PCDHA12: variants seen among roughly 807,000 people sequenced by gnomAD.
The protein encoded by PCDHA12 is protocadherin alpha-12.
A neutral mutation model predicts 60.0 loss-of-function variants in PCDHA12; 44 were observed. The ratio of observed to expected loss-of-function variants is 0.73; its 90% confidence interval spans 0.58 to 0.94. PCDHA12 has a LOEUF of 0.94. PCDHA12 is among the 40% of genes least tolerant of loss of function. PCDHA12 has a pLI of 0.00. For missense variants in PCDHA12, 1,276 were observed against 1,239.7 expected (o/e 1.03, Z -0.44); for synonymous variants, 569 against 553.0 (o/e 1.03, Z -0.40).
At chr5:140,955,771 A>G (rs527455823) in intron 1 of PCDHA12, among the ~76,000 whole-genome samples, 1 of 152,168 alleles carries the variant, frequency 6.6e-6, no homozygotes, top group Admixed American at 6.5e-5. Context: ...GATTCTGTCT[A>G]TCCATGAGCA....
intron 1 of PCDHA12, chr5:140,927,539 A>G (rs1554204701): frequency 6.2e-7 from 1 of 1,614,112 alleles, no homozygotes; most frequent in Non-Finnish European, 8.5e-7. Flanking sequence ...CGCTCAGGAG[A>G]CGCACAAGTC....
intron 1 of PCDHA12, chr5:140,884,197 G>A (rs146010500): frequency 3.1e-6 from 5 of 1,613,234 alleles, no homozygotes; most frequent in Non-Finnish European, 4.2e-6. Context: ...TGGACGCGCC[G>A]CACCACCGCC....
intron 1 of PCDHA12, among the ~76,000 whole-genome samples, chr5:140,959,145 A>C (rs2095470775): frequency 6.6e-6 from 1 of 152,030 alleles, no homozygotes; most frequent in Non-Finnish European, 1.5e-5. Flanking sequence ...GGGAGGCCAA[A>C]GTGGGCAGAT....
chr5:140,982,324 C>G, intron 2 of PCDHA12, 151 bp from the exon 3 acceptor site: 2 of 1,393,878 alleles, frequency 1.4e-6, no homozygotes, highest in East Asian at 5.1e-5. Context: ...TGCAGGGTGA[C>G]TGCTCAGCAG....
chr5:140,937,595 C>A (rs940943581), intron 1 of PCDHA12, among the ~76,000 whole-genome samples: 1 of 150,652 alleles, frequency 6.6e-6, no homozygotes, highest in South Asian at 2.1e-4. Flanking sequence ...CTAGCCTGGG[C>A]AACAGAGTGA....
rs782344970 is a variant in PCDHA12, at chr5:140,876,478, G to A, written c.1006G>A (p.Val336Ile). The change falls in exon 1 of 4, where the codon GTC becomes ATC. Residue 336 changes from valine (V) to isoleucine (I), a missense_variant. Transcript: ENST00000398631. The part of the protein sequence containing the change: ...GIPSMAGHSM[V>I]LVEVLDVNDN... ...TCCTTCCATGGCAGGTCACAGCATGGTCCTGGTGGAAGTTCTGGACGTGAA... is the reference window on the plus strand; with the variant it reads ...TCCTTCCATGGCAGGTCACAGCATGATCCTGGTGGAAGTTCTGGACGTGAA... 1 of 1,614,032 alleles carries A rather than the reference G, an allele frequency of 6.2e-7. No individual in the cohort carries two copies.
chr5:140,980,265 A>G (rs1041506600), intron 2 of PCDHA12, among the ~76,000 whole-genome samples: 1 of 152,258 alleles, frequency 6.6e-6, no homozygotes, highest in Non-Finnish European at 1.5e-5. Flanking sequence ...CATGGTTTAC[A>G]GTACCAACTC....
chr5:140,918,210 A>T (rs2078574076), intron 1 of PCDHA12, among the ~76,000 whole-genome samples: 1 of 152,152 alleles, frequency 6.6e-6, no homozygotes, highest in Non-Finnish European at 1.5e-5. Context: ...TTGTTGGTGT[A>T]CAGAAATGCT....
chr5:140,938,484 A>G (rs914020751), intron 1 of PCDHA12, among the ~76,000 whole-genome samples: 14 of 152,182 alleles, frequency 9.2e-5, no homozygotes, highest in African/African-American at 2.9e-4. Flanking sequence ...TTTAAAAATC[A>G]TGAATAGGCA....
intron 1 of PCDHA12, among the ~76,000 whole-genome samples, chr5:140,879,111 T>A (rs1056977716): frequency 2.0e-4 from 30 of 152,184 alleles, no homozygotes; most frequent in African/African-American, 7.2e-4. Flanking sequence ...ATGGTGTAAT[T>A]GAAGGATTAG....
chr5:140,950,995 C>G (rs1554219713), intron 1 of PCDHA12, among the ~76,000 whole-genome samples: 1 of 151,856 alleles, frequency 6.6e-6, no homozygotes, highest in Non-Finnish European at 1.5e-5. Flanking sequence ...TCTTTTAGCT[C>G]CATTTTTCCC....
At chr5:140,934,738 C>T (rs1342430086) in intron 1 of PCDHA12, among the ~76,000 whole-genome samples, 1 of 152,078 alleles carries the variant, frequency 6.6e-6, no homozygotes, top group Admixed American at 6.5e-5. Flanking sequence ...TTTTAGGTGT[C>T]ATTATGAACT....
chr5:140,927,910 C>A lies in PCDHA12; in HGVS notation c.2367+50071C>A, dbSNP rs782484227. 2.5e-6 allele frequency: 4 copies of A among 1,614,216 alleles called. No homozygotes were observed. In the South Asian group the frequency reaches 3.3e-5, roughly 13 times the overall value. On this transcript the variant is annotated intron_variant, in intron 1 of 3. Transcript: ENST00000398631. ...TGACGTGAACGATCATGCCCCCGAACTGGACTTCCTGACTCTTTCGAACCC... is the reference window on the plus strand; with the variant it reads ...TGACGTGAACGATCATGCCCCCGAAATGGACTTCCTGACTCTTTCGAACCC...
chr5:140,983,113 A>G (rs2097027812), intron 3 of PCDHA12, among the ~76,000 whole-genome samples: 2 of 152,254 alleles, frequency 1.3e-5, no homozygotes, highest in Admixed American at 6.5e-5. Context: ...CTGCACATCA[A>G]CAACATTCTG....
Position 140,921,480 on chromosome 5 carries a change from A to G in PCDHA12, c.2367+43641A>G, listed in dbSNP as rs201609452. On this transcript the variant is annotated intron_variant, in intron 1 of 3. Coordinates refer to ENST00000398631, the MANE Select transcript of PCDHA12 (RefSeq NM_018903.4). ...CCTGCAACCACTACCAAACCACTCT[A>G]CCTGAGATTAGTTTATTAGATAGTG... 4.8e-4 allele frequency among the ~76,000 whole-genome samples: 73 copies of G among 152,306 alleles called. No homozygotes were observed. In the East Asian group the frequency reaches 0.011, roughly 22 times the overall value.
chr5:140,885,293 G>C (rs945786135), intron 1 of PCDHA12, among the ~76,000 whole-genome samples: 8 of 152,122 alleles, frequency 5.3e-5, no homozygotes, highest in Non-Finnish European at 1.5e-5. Context: ...TATAGAGAGA[G>C]ACCTGGTAGG....
At chr5:140,923,151 T>A (rs1239888412) in intron 1 of PCDHA12, among the ~76,000 whole-genome samples, 3 of 152,108 alleles carry the variant, frequency 2.0e-5, no homozygotes, top group Non-Finnish European at 4.4e-5. Context: ...ATAAAAAAAA[T>A]TATAGAAAGA....
intron 1 of PCDHA12, among the ~76,000 whole-genome samples, chr5:140,976,855 G>A (rs946538789): frequency 9.9e-5 from 15 of 152,142 alleles, no homozygotes; most frequent in Non-Finnish European, 1.5e-4. Flanking sequence ...CTTTCATAGA[G>A]TTTACTGTCT....
At chr5:140,998,148 A>G (rs1229553205) in intron 3 of PCDHA12, among the ~76,000 whole-genome samples, 10 of 152,234 alleles carry the variant, frequency 6.6e-5, no homozygotes, top group Admixed American at 6.5e-4. Flanking sequence ...TGTACTGAAC[A>G]GTTAAGCCAT....
Sources: allele counts gnomAD v4.1 joint callset (sites outside exome capture counted in the v4.1 genomes callset), GRCh38; gene constraint gnomAD v4.1.1; transcripts MANE v1.5; gene names NCBI Gene and HGNC (gene_info 2026-07-23, HGNC 2026-07-21).